Variants in DLG2 observed in about 807,000 individuals in gnomAD.
The protein encoded by DLG2 is disks large homolog 2.
A neutral mutation model predicts 132.5 loss-of-function variants in DLG2; 45 were observed. That is an observed-to-expected ratio of 0.34 (90% CI 0.27 to 0.44). The LOEUF is 0.44. DLG2 is among the 20% of genes least tolerant of loss of function. DLG2 has a pLI of 1.00. For missense variants in DLG2, 1,045 were observed against 1,196.9 expected, an observed-to-expected ratio of 0.87 and a Z score of 1.87; for synonymous variants, 424 against 419.6, an observed-to-expected ratio of 1.01 and a Z score of -0.13.
chr11:83,516,318 G>A (rs1040531499), intron 21 of DLG2, among the ~76,000 whole-genome samples: 2 of 152,120 alleles, frequency 1.3e-5, no homozygotes, highest in Admixed American at 6.5e-5. Context: ...TTGGTTTAAT[G>A]TCTGTTTTAT....
intron 2 of DLG2, among the ~76,000 whole-genome samples, chr11:85,621,148 G>A (rs1292649633): frequency 6.6e-6 from 1 of 151,898 alleles, no homozygotes; most frequent in African/African-American, 2.4e-5. Context: ...AAAAGCCTGG[G>A]TGACAGCACA....
intron 23 of DLG2, 42 bp from the exon 24 acceptor site, chr11:83,471,769 T>G: frequency 2.0e-6 from 3 of 1,516,588 alleles, no homozygotes; most frequent in African/African-American, 1.4e-5. Context: ...GAGAAAGAGT[T>G]GGAAACAACT....
At chr11:84,892,072 G>T (rs1050523719) in intron 6 of DLG2, among the ~76,000 whole-genome samples, 3 of 152,036 alleles carry the variant, frequency 2.0e-5, no homozygotes, top group Non-Finnish European at 2.9e-5. Context: ...AGGACTTCAA[G>T]GTCTACAGTT....
At chr11:84,819,639 A>T (rs2077460292) in intron 6 of DLG2, among the ~76,000 whole-genome samples, 1 of 151,892 alleles carries the variant, frequency 6.6e-6, no homozygotes, top group Non-Finnish European at 1.5e-5. Flanking sequence ...TGAAGCATCA[A>T]CTAAATTACC....
chr11:84,111,726 C>T (rs1480751215), intron 9 of DLG2, among the ~76,000 whole-genome samples: 5 of 152,152 alleles, frequency 3.3e-5, no homozygotes, highest in African/African-American at 7.2e-5. Flanking sequence ...AAATAAAAGA[C>T]GTACAGTTCT....
intron 9 of DLG2, among the ~76,000 whole-genome samples, chr11:84,114,827 ATTTTTTT>A (rs11376031): frequency 7.1e-6 from 1 of 140,312 alleles, no homozygotes; most frequent in African/African-American, 2.7e-5. Context: ...AAGCCTGGCT[ATTTTTTT>A]TTTTTTTTCA....
At chr11:85,507,780 T>C (rs286537) in intron 3 of DLG2, among the ~76,000 whole-genome samples, 126,932 of 152,066 alleles carry the variant, frequency 0.83, 53,608 homozygotes, top group Non-Finnish European at 0.91. Context: ...GAAGTTCTCC[T>C]GGATACTATC....
intron 6 of DLG2, among the ~76,000 whole-genome samples, chr11:84,610,379 T>C (rs1446402070): frequency 1.3e-5 from 2 of 152,290 alleles, no homozygotes; most frequent in Admixed American, 6.5e-5. Flanking sequence ...TAATACTTCC[T>C]ATGAGTTCCT....
intron 6 of DLG2, among the ~76,000 whole-genome samples, chr11:84,827,411 T>C (rs2078462606): frequency 6.6e-6 from 1 of 151,536 alleles, no homozygotes; most frequent in South Asian, 2.1e-4. Context: ...TTTCATGGGG[T>C]GTTTAAAATC....
At chr11:84,592,699 C>T (rs1047572915) in intron 6 of DLG2, among the ~76,000 whole-genome samples, 1 of 150,958 alleles carries the variant, frequency 6.6e-6, no homozygotes, top group Non-Finnish European at 1.5e-5. Flanking sequence ...TTTATGTGGC[C>T]GACAAACATG....
chr11:84,974,280 G>T (rs1566549938), intron 6 of DLG2, among the ~76,000 whole-genome samples: 2 of 152,146 alleles, frequency 1.3e-5, no homozygotes, highest in Admixed American at 6.5e-5. Context: ...AGGTGAAATT[G>T]CTTCTTTGCC....
chr11:85,305,606 G>A (rs1179610235), intron 3 of DLG2, among the ~76,000 whole-genome samples: 7 of 152,032 alleles, frequency 4.6e-5, no homozygotes, highest in Non-Finnish European at 7.4e-5. Flanking sequence ...TCCGCCTCCC[G>A]GGTTTACTCC....
intron 18 of DLG2, among the ~76,000 whole-genome samples, chr11:83,636,105 A>G (rs2064774511): frequency 6.6e-6 from 1 of 152,118 alleles, no homozygotes; most frequent in Admixed American, 6.6e-5. Context: ...TGATGACTTT[A>G]CTACCCATGA....
chr11:83,938,150 T>C (rs1263720929), intron 14 of DLG2, among the ~76,000 whole-genome samples: 1 of 152,186 alleles, frequency 6.6e-6, no homozygotes, highest in Admixed American at 6.5e-5. Flanking sequence ...AAAGTTAATA[T>C]TCATAAAACA....
intron 3 of DLG2, among the ~76,000 whole-genome samples, chr11:85,586,999 A>G (rs1384069368): frequency 6.6e-6 from 1 of 152,114 alleles, no homozygotes; most frequent in East Asian, 1.9e-4. Context: ...AAGTATTTGT[A>G]TAGTTTTGAG....
chr11:85,473,971 A>G (rs1157240498), intron 3 of DLG2, among the ~76,000 whole-genome samples: 2 of 152,040 alleles, frequency 1.3e-5, no homozygotes, highest in East Asian at 3.8e-4. Context: ...AATTCCAAAT[A>G]TATCGGTAGC....
At chr11:84,070,393 A>T (rs977849574) in intron 10 of DLG2, among the ~76,000 whole-genome samples, 9 of 152,198 alleles carry the variant, frequency 5.9e-5, no homozygotes. Context: ...TCAAGGCTTT[A>T]TTGTCCATAA....
chr11:83,683,363 A>G (rs767852655), intron 18 of DLG2, among the ~76,000 whole-genome samples: 9 of 152,158 alleles, frequency 5.9e-5, no homozygotes, highest in Non-Finnish European at 1.3e-4. Context: ...GCAGGATCAT[A>G]TATCTGTTAA....
At chr11:84,764,421 C>T (rs774771990) in intron 6 of DLG2, among the ~76,000 whole-genome samples, 32 of 152,212 alleles carry the variant, frequency 2.1e-4, no homozygotes, top group East Asian at 9.7e-4. Context: ...AATATTTTGA[C>T]GCACCTAACA....
Sources: gnomAD v4.1 joint callset for allele counts (sites outside exome capture counted in the v4.1 genomes callset) on GRCh38, gnomAD v4.1.1 for gene constraint, MANE v1.5 for transcripts, NCBI Gene and HGNC (gene_info 2026-07-23, HGNC 2026-07-21) for gene names.